RBBP6: variants seen among roughly 807,000 people sequenced by gnomAD.
The protein encoded by RBBP6 is E3 ubiquitin-protein ligase RBBP6.
A neutral mutation model predicts 167.7 loss-of-function variants in RBBP6; 25 were observed. The observed-to-expected ratio is 0.15, with a 90% confidence interval of 0.11 to 0.21. The LOEUF (loss-of-function observed/expected upper bound fraction) is 0.21. Ranked by LOEUF, RBBP6 falls within the 10% of genes least tolerant of loss-of-function variation. RBBP6 has a pLI of 1.00. For missense variants in RBBP6, 1,868 were observed against 2,134.2 expected (o/e 0.88, Z 2.46); for synonymous variants, 789 against 735.8 (o/e 1.07, Z -1.17).
At chr16:24,561,087 C>T (rs976796959) in intron 8 of RBBP6, among the ~76,000 whole-genome samples, 1 of 152,118 alleles carries the variant, frequency 6.6e-6, no homozygotes, top group South Asian at 2.1e-4. Flanking sequence ...TGCTGTAGGT[C>T]TCTCATTTCC....
intron 4 of RBBP6, chr16:24,554,743 G>A (rs976764034): frequency 2.5e-4 from 37 of 147,434 alleles, no homozygotes; most frequent in Admixed American, 6.9e-4. Flanking sequence ...GTGGGGAGGA[G>A]TTGGGGCGGT....
chr16:24,567,601 A>G (rs1899226722), intron 15 of RBBP6, 96 bp downstream of exon 15: 3 of 1,408,438 alleles, frequency 2.1e-6, no homozygotes, highest in South Asian at 2.9e-5. Flanking sequence ...GTTTCCAGTT[A>G]GTATGAGAAA....
At chr16:24,547,038 A>G (rs866567469) in intron 2 of RBBP6, among the ~76,000 whole-genome samples, 10 of 152,228 alleles carry the variant, frequency 6.6e-5, no homozygotes, top group African/African-American at 2.2e-4. Context: ...TAGCAGAACT[A>G]TAATATGTGA....
chr16:24,541,205 C>CAAAAAAAAAAAAAAAAAAAAAA (rs933107246), intron 1 of RBBP6, among the ~76,000 whole-genome samples: 1 of 79,268 alleles, frequency 1.3e-5, no homozygotes, highest in African/African-American at 5.4e-5. Flanking sequence ...AAAAAAAAAC[C>CAAAAAAAAAAAAAAAAAAAAAA]AAAAAAACAA....
In RBBP6 at chr16:24,564,865, G is replaced by T. The variant is rs1390173952; in HGVS notation, c.1589G>T (p.Arg530Ile). 1 of 1,610,212 alleles carries T rather than the reference G, an allele frequency of 6.2e-7. No individual in the cohort carries two copies. The highest frequency in any genetic ancestry group is 1.3e-5 in the African/African-American group (1 of 74,544). Residue 530 changes from arginine (R) to isoleucine (I), a missense_variant and splice_region_variant, in exon 14 of 18, where the codon AGA becomes ATA. Around this residue, in one of 7 missense-constraint regions of RBBP6, gnomAD observed 145 missense variants for 224.3 expected, o/e 0.65. Coordinates refer to ENST00000319715, the MANE Select transcript of RBBP6 (RefSeq NM_006910.5). ...AGAAGAGGGGAGAGGAGCTGCTACA[G>T]GTAGGCATGCTAAAAATCTTGGAAA... The part of the protein sequence containing the change: ...QIRRGERSCY[R>I]SINRGRHHSE...
chr16:24,557,265 A>G (rs925031963), intron 7 of RBBP6, among the ~76,000 whole-genome samples: 4 of 152,154 alleles, frequency 2.6e-5, no homozygotes, highest in Non-Finnish European at 5.9e-5. Context: ...TACAGGCATG[A>G]GCCACCACGT....
In RBBP6 at chr16:24,572,548, C is replaced by T; in HGVS notation, c.*103C>T. Reference sequence around the variant, plus strand: ...CTTGTAAATAATGACATGGAAGACCCTGTGCTGCACTTAAAATATTGCTGC... The same window carrying T: ...CTTGTAAATAATGACATGGAAGACCTTGTGCTGCACTTAAAATATTGCTGC... On this transcript the variant is annotated 3_prime_UTR_variant, in exon 18 of 18. Coordinates refer to ENST00000319715, the MANE Select transcript of RBBP6 (RefSeq NM_006910.5). The T allele has an allele frequency of 4.4e-6, 6 of 1,362,694 alleles. No individual in the cohort carries two copies. The highest frequency in any genetic ancestry group is 3.2e-5 in the South Asian group (2 of 62,428). The allele number at this position is 1,362,694 out of a possible 1,614,324, so 84.4% of individuals were successfully genotyped here.
Position 24,571,781 on chromosome 16 carries a change from A to T in RBBP6, c.4715A>T (p.His1572Leu), listed in dbSNP as rs571420831. 27 of 1,614,026 alleles carry T rather than the reference A, an allele frequency of 1.7e-5. No individual in the cohort carries two copies. In the South Asian group the frequency reaches 3.0e-4, roughly 18 times the overall value. ...AATCCTTGTAAGGATCGTGAGAAGC[A>T]TGTATTAGAAGCAAGGAACAATAAA... ...DKNPCKDREK[H>L]VLEARNNKES... The change falls in exon 18 of 18, where the codon CAT becomes CTT. Residue 1572 changes from histidine to leucine, a missense_variant. By Grantham distance (99) the His-to-Leu change is moderately conservative. Transcript: ENST00000319715.
intron 1 of RBBP6, among the ~76,000 whole-genome samples, chr16:24,543,271 G>C (rs930783273): frequency 6.7e-6 from 1 of 149,060 alleles, no homozygotes; most frequent in Non-Finnish European, 1.5e-5. Flanking sequence ...GGAATTATGT[G>C]CATGTTTAGG....
At chr16:24,552,223 A>T (rs1167293535) in intron 3 of RBBP6, among the ~76,000 whole-genome samples, 1 of 151,852 alleles carries the variant, frequency 6.6e-6, no homozygotes, top group East Asian at 1.9e-4. Flanking sequence ...TTTAGCCAAC[A>T]TTATTTTTTA....
At chr16:24,552,274 G>A (rs1898815952) in intron 3 of RBBP6, among the ~76,000 whole-genome samples, 1 of 151,788 alleles carries the variant, frequency 6.6e-6, no homozygotes, top group Non-Finnish European at 1.5e-5. Context: ...CATTGGCTAA[G>A]AACTTCATAT....
chr16:24,543,634 C>T (rs1037884856), intron 1 of RBBP6, among the ~76,000 whole-genome samples: 6 of 151,954 alleles, frequency 3.9e-5, no homozygotes, highest in Admixed American at 1.3e-4. Context: ...AAGACTGAAA[C>T]GCTTGGGTCA....
chr16:24,548,938 GT>G lies in RBBP6; in HGVS notation c.267-3del. 1.2e-6 allele frequency: 2 copies of G among 1,602,848 alleles called. No individual in the cohort carries two copies. Among genetic ancestry groups the G allele is most frequent in the Non-Finnish European group, 1.7e-6 (2 of 1,173,900 alleles). On this transcript the variant is annotated splice_region_variant and splice_polypyrimidine_tract_variant and intron_variant, in intron 2 of 17. Transcript: ENST00000319715. ...ATGTTAATTTTTGTTTTTATTTTGT[GT>G]TTTAGAAGTCGAACTGAACCAGCGA...
At chr16:24,553,670 T>C in intron 4 of RBBP6, 113 bp downstream of exon 4, 1 of 714,834 alleles carries the variant, frequency 1.4e-6, no homozygotes, top group Non-Finnish European at 2.2e-6. Context: ...GCAAAAGCAT[T>C]GTACATATTA....
In RBBP6 at chr16:24,540,244, C is replaced by A. The variant is rs1898448547; in HGVS notation, c.-383C>A. The A allele has an allele frequency of 1.2e-5, 2 of 162,148 alleles. No homozygotes were observed. The highest frequency in any genetic ancestry group is 3.1e-4 in the South Asian group (2 of 6,502). 10.0% of individuals were successfully genotyped at this position (162,148 alleles called of 1,614,324 possible). ...CGGCCGCGCTATGGACCCCTGACCC[C>A]GTGGGGTCGCTCGGACTCTTAACGT... On this transcript the variant is annotated 5_prime_UTR_variant, in exon 1 of 18. Transcript: ENST00000319715.
intron 7 of RBBP6, among the ~76,000 whole-genome samples, chr16:24,556,867 A>G (rs753489607): frequency 6.6e-6 from 1 of 152,256 alleles, no homozygotes; most frequent in Non-Finnish European, 1.5e-5. Context: ...AGTGTCAGGC[A>G]TAAATGAAAT....
Position 24,561,954 on chromosome 16 carries a change from C to A in RBBP6, c.1082C>A (p.Pro361Gln). The change falls in exon 10 of 18, where the codon CCG (proline) becomes CAG (glutamine). Residue 361 changes from proline to glutamine, a missense_variant. Coordinates refer to ENST00000319715, the MANE Select transcript of RBBP6 (RefSeq NM_006910.5). ...QRNLQPLMRS[P>Q]ISRQQDPLMI... ...AACCTACAACCTCTGATGAGATCTC[C>A]GATATCAAGACAACAAGATCCTCTT... 1 of 1,613,468 alleles carries A rather than the reference C, an allele frequency of 6.2e-7. No homozygotes were observed. The highest frequency in any genetic ancestry group is 8.5e-7 in the Non-Finnish European group (1 of 1,179,578).
chr16:24,561,008 A>G (rs1451011905), intron 8 of RBBP6, among the ~76,000 whole-genome samples: 1 of 151,610 alleles, frequency 6.6e-6, no homozygotes, highest in Non-Finnish European at 1.5e-5. Flanking sequence ...ACCACTTGGT[A>G]TTACTGGAGT....
intron 6 of RBBP6, 137 bp downstream of exon 6, chr16:24,556,054 C>T: frequency 2.2e-6 from 2 of 902,558 alleles, no homozygotes; most frequent in South Asian, 1.7e-5. Flanking sequence ...GCCAAATTTG[C>T]CAGGCTTCAA....
Sources: gnomAD v4.1 joint callset for allele counts (sites outside exome capture counted in the v4.1 genomes callset) on GRCh38, gnomAD v4.1.1 for gene constraint, gnomAD v4.1.1 regional missense constraint, MANE v1.5 for transcripts, NCBI Gene and HGNC (gene_info 2026-07-23, HGNC 2026-07-21) for gene names.